EVI5: variants seen among roughly 807,000 people sequenced by gnomAD.
EVI5 encodes the protein ecotropic viral integration site 5, also known as ecotropic viral integration site 5 protein homolog.
In EVI5, 73 loss-of-function variants were observed where a neutral mutation model predicts 112.0. The observed-to-expected ratio is 0.65, with a 90% CI of 0.54 to 0.79. The LOEUF is 0.79. Ranked by LOEUF, EVI5 falls within the 30% of genes least tolerant of loss-of-function variation. The pLI, the probability that EVI5 is intolerant of heterozygous loss-of-function variation, is 0.00. For synonymous variants in EVI5, 305 were observed against 319.9 expected (o/e 0.95, Z 0.50); for missense variants, 900 against 968.8 (o/e 0.93, Z 0.94).
intron 19 of EVI5, among the ~76,000 whole-genome samples, chr1:92,539,521 C>T (rs1282814378): frequency 3.7e-5 from 5 of 134,532 alleles, no homozygotes; most frequent in Admixed American, 8.1e-5. Context: ...GCAGCCTGGG[C>T]GACAGAGCTA....
chr1:92,702,872 G>A (rs1444968962), intron 4 of EVI5, among the ~76,000 whole-genome samples: 2 of 151,968 alleles, frequency 1.3e-5, no homozygotes, highest in Non-Finnish European at 2.9e-5. Flanking sequence ...TAGGTTTAAG[G>A]CAAAGGATTG....
At chr1:92,719,560 G>T (rs1323094472) in intron 2 of EVI5, among the ~76,000 whole-genome samples, 1 of 151,906 alleles carries the variant, frequency 6.6e-6, no homozygotes, top group Non-Finnish European at 1.5e-5. Context: ...AATAATAAGA[G>T]CTATTTATGA....
At chr1:92,571,494 A>G (rs929680797) in intron 18 of EVI5, among the ~76,000 whole-genome samples, 3 of 152,144 alleles carry the variant, frequency 2.0e-5, no homozygotes, top group African/African-American at 7.2e-5. Context: ...CCATTTATCA[A>G]AAGTCTGTGA....
At chr1:92,605,440 G>A (rs199653876) in intron 17 of EVI5, 38 bp from the exon 18 acceptor site, 14 of 1,373,788 alleles carry the variant, frequency 1.0e-5, no homozygotes, top group Admixed American at 5.2e-5. Context: ...AATAAACCAG[G>A]TGTGTTTGGA....
At chr1:92,618,209 T>G (rs1461127565) in intron 16 of EVI5, among the ~76,000 whole-genome samples, 2 of 152,154 alleles carry the variant, frequency 1.3e-5, no homozygotes, top group Non-Finnish European at 2.9e-5. Flanking sequence ...GGGGTGGAAG[T>G]GCAAGTGGCA....
intron 18 of EVI5, among the ~76,000 whole-genome samples, chr1:92,586,733 CTTTT>C (rs879800077): frequency 7.2e-6 from 1 of 138,042 alleles, no homozygotes; most frequent in African/African-American, 2.7e-5. Context: ...TCAGCCATTT[CTTTT>C]TTTTTTTAAT....
chr1:92,679,280 G>A (rs143819830), intron 9 of EVI5, among the ~76,000 whole-genome samples: 19 of 152,242 alleles, frequency 1.2e-4, no homozygotes, highest in Non-Finnish European at 1.8e-4. Context: ...CCACGAAAGC[G>A]GTCCCTAGTG....
intron 14 of EVI5, among the ~76,000 whole-genome samples, chr1:92,634,976 G>A (rs893870860): frequency 4.6e-5 from 7 of 152,314 alleles, no homozygotes; most frequent in South Asian, 2.1e-4. Context: ...TATCAGCAGC[G>A]GAGGCTGCAG....
At chr1:92,691,795 A>T (rs1397773442) in intron 9 of EVI5, among the ~76,000 whole-genome samples, 1 of 152,222 alleles carries the variant, frequency 6.6e-6, no homozygotes, top group East Asian at 1.9e-4. Context: ...GAAAAAGAAC[A>T]TAGCTAAGTC....
intron 13 of EVI5, among the ~76,000 whole-genome samples, chr1:92,656,092 A>G (rs1475746548): frequency 6.6e-6 from 1 of 152,166 alleles, no homozygotes; most frequent in African/African-American, 2.4e-5. Flanking sequence ...ACCACAGAAT[A>G]TACATTCTTC....
intron 16 of EVI5, among the ~76,000 whole-genome samples, chr1:92,615,809 G>T (rs1652987537): frequency 6.6e-6 from 1 of 152,052 alleles, no homozygotes; most frequent in African/African-American, 2.4e-5. Flanking sequence ...GACCCTAGAG[G>T]GTGAGGTTGA....
chr1:92,712,359 T>C (rs570294248), intron 2 of EVI5, among the ~76,000 whole-genome samples: 1 of 152,204 alleles, frequency 6.6e-6, no homozygotes, highest in East Asian at 1.9e-4. Flanking sequence ...TTTTTCTGTG[T>C]TTAAGATCAG....
In EVI5 at chr1:92,683,793, G is replaced by A. The variant is rs186192960; in HGVS notation, c.1098-6575C>T. On this transcript the variant is annotated intron_variant, in intron 9 of 19. Coordinates refer to ENST00000684568, the MANE Select transcript of EVI5 (RefSeq NM_001350197.2). ...GCTTCAATAGTTGATTCGATCAAGT[G>A]GAAGAAAGTGACTGAAGATGAAATT... Among the ~76,000 whole-genome samples, 186 of 152,136 alleles carry A rather than the reference G, an allele frequency of 1.2e-3. 1 individual carries two copies. The highest frequency in any genetic ancestry group is 4.4e-3 in the African/African-American group (183 of 41,500).
In EVI5 at chr1:92,513,866, G is replaced by A. The variant is rs201155262; in HGVS notation, c.2271C>T (p.Ser757=). The A allele has an allele frequency of 6.2e-6, 10 of 1,612,736 alleles. No individual in the cohort carries two copies. In the African/African-American group the frequency reaches 8.0e-5, roughly 13 times the overall value. ...LIGDDESFHS[S]DEDFIDNSLQ... ...AGGAATTATCTATAAAATCTTCATC[G>A]GAGGAATGGAATGATTCATCATCTC... Residue 757 remains serine (S), a synonymous_variant, in exon 20 of 20, where the codon TCC becomes TCT. Coordinates refer to ENST00000684568, the MANE Select transcript of EVI5 (RefSeq NM_001350197.2).
chr1:92,749,079 A>C (rs997272565), intron 1 of EVI5: 1 of 172,210 alleles, frequency 5.8e-6, no homozygotes, highest in African/African-American at 2.4e-5. Context: ...AAAAAAAAAA[A>C]AAAAAAGAAA....
At chr1:92,747,591 G>A (rs1286076667) in intron 1 of EVI5, among the ~76,000 whole-genome samples, 1 of 151,830 alleles carries the variant, frequency 6.6e-6, no homozygotes, top group Admixed American at 6.6e-5. Flanking sequence ...TTGGGTGCCT[G>A]TAGTCCCAGC....
intron 16 of EVI5, among the ~76,000 whole-genome samples, chr1:92,612,032 T>C (rs543452432): frequency 6.6e-6 from 1 of 152,096 alleles, no homozygotes; most frequent in South Asian, 2.1e-4. Context: ...TATCTAGTAG[T>C]TTGGAGGTAT....
At chr1:92,540,123 ATAT>A (rs1473354280) in intron 19 of EVI5, among the ~76,000 whole-genome samples, 5 of 152,174 alleles carry the variant, frequency 3.3e-5, no homozygotes, top group African/African-American at 1.2e-4. Flanking sequence ...TACTCTCTAA[ATAT>A]TATTAATAAT....
intron 9 of EVI5, among the ~76,000 whole-genome samples, chr1:92,682,658 A>C (rs559750148): frequency 2.6e-5 from 4 of 152,262 alleles, no homozygotes; most frequent in East Asian, 3.9e-4. Context: ...CCAGCTACTC[A>C]GGAGGCTGAG....
Sources: gnomAD v4.1 joint callset for allele counts (sites outside exome capture counted in the v4.1 genomes callset) on GRCh38, gnomAD v4.1.1 for gene constraint, MANE v1.5 for transcripts, NCBI Gene and HGNC (gene_info 2026-07-23, HGNC 2026-07-21) for gene names.